Variants in FRYL observed in about 807,000 individuals in gnomAD.
FRYL encodes FRY like transcription coactivator.
Under a neutral mutation model 351.2 loss-of-function variants are expected in FRYL, and 150 were observed. The observed-to-expected ratio is 0.43, with a 90% CI of 0.37 to 0.49. FRYL has a LOEUF of 0.49. Ranked by LOEUF, FRYL falls within the 20% of genes least tolerant of loss-of-function variation. FRYL has a pLI of 0.00. For synonymous variants in FRYL, 1,153 were observed against 1,257.1 expected (o/e 0.92, Z 1.75); for missense variants, 3,036 against 3,619.3 (o/e 0.84, Z 4.13).
intron 1 of FRYL, among the ~76,000 whole-genome samples, chr4:48,765,839 T>A (rs1774888652): frequency 6.6e-6 from 1 of 152,050 alleles, no homozygotes; most frequent in Non-Finnish European, 1.5e-5. Flanking sequence ...AGGTACAGAA[T>A]AGGTATTTTT....
intron 19 of FRYL, among the ~76,000 whole-genome samples, chr4:48,584,383 T>C (rs916110290): frequency 3.9e-5 from 6 of 152,184 alleles, no homozygotes. Flanking sequence ...GTTCTAGTCA[T>C]CACGAAGCCA....
At chr4:48,522,623 T>C (rs1390682593) in intron 54 of FRYL, among the ~76,000 whole-genome samples, 2 of 152,198 alleles carry the variant, frequency 1.3e-5, no homozygotes, top group Non-Finnish European at 2.9e-5. Flanking sequence ...ACCAAAAATA[T>C]GTTATCACTG....
At chr4:48,619,467 G>A (rs1443458059) in intron 6 of FRYL, 97 bp from the exon 7 acceptor site, 3 of 617,212 alleles carry the variant, frequency 4.9e-6, no homozygotes, top group Non-Finnish European at 8.2e-6. Context: ...TTCCTACTAT[G>A]TAAAATGTGC....
At chr4:48,546,606 T>C in intron 41 of FRYL, 1 of 237,144 alleles carries the variant, frequency 4.2e-6, no homozygotes, top group Non-Finnish European at 8.3e-6. Flanking sequence ...TTCTATAATA[T>C]GAACTGATTT....
intron 1 of FRYL, among the ~76,000 whole-genome samples, chr4:48,742,973 ATTTT>A (rs71191256): frequency 2.2e-4 from 18 of 81,746 alleles, no homozygotes; most frequent in African/African-American, 4.5e-4. Context: ...CGCCTGGATA[ATTTT>A]TTTTTTTTTT....
chr4:48,652,888 A>G (rs971205245), intron 3 of FRYL, among the ~76,000 whole-genome samples: 3 of 152,176 alleles, frequency 2.0e-5, no homozygotes, highest in African/African-American at 7.2e-5. Context: ...CCACTGTATG[A>G]CCTTGGAAAA....
chr4:48,770,826 T>G (rs1180318050), intron 1 of FRYL, among the ~76,000 whole-genome samples: 1 of 152,190 alleles, frequency 6.6e-6, no homozygotes, highest in African/African-American at 2.4e-5. Flanking sequence ...TTTTTTATAC[T>G]GCTGAAATAA....
At chr4:48,512,845 G>A (rs1289792227) in intron 56 of FRYL, among the ~76,000 whole-genome samples, 157 bp from the exon 57 acceptor site, 1 of 152,182 alleles carries the variant, frequency 6.6e-6, no homozygotes, top group Admixed American at 6.5e-5. Context: ...GTAAGAAAGT[G>A]TGAATAAGTG....
chr4:48,558,068 T>C (rs999727076), intron 33 of FRYL, among the ~76,000 whole-genome samples: 2 of 152,116 alleles, frequency 1.3e-5, no homozygotes, highest in Non-Finnish European at 2.9e-5. Flanking sequence ...TGAGTATACA[T>C]TGAAAAAAAT....
chr4:48,724,247 G>C (rs977547481), intron 1 of FRYL, among the ~76,000 whole-genome samples: 4 of 152,112 alleles, frequency 2.6e-5, no homozygotes, highest in African/African-American at 9.7e-5. Flanking sequence ...AAAAGTCCAT[G>C]GCCAAACATC....
At chr4:48,754,668 G>GGT (rs1348886664) in intron 1 of FRYL, among the ~76,000 whole-genome samples, 51,420 of 142,256 alleles carry the variant, frequency 0.36, 10,053 homozygotes, top group Admixed American at 0.5. Context: ...TTTTTTTGGG[G>GGT]TTTTTTTTTT....
At chr4:48,574,801 A>ATTTCTTTATT (rs1739233782) in intron 25 of FRYL, among the ~76,000 whole-genome samples, 5 of 152,250 alleles carry the variant, frequency 3.3e-5, no homozygotes, top group African/African-American at 1.2e-4. Context: ...ACACATTAAA[A>ATTTCTTTATT]GAATGACTAC....
intron 7 of FRYL, 142 bp from the exon 8 acceptor site, chr4:48,609,965 G>A (rs188186399): frequency 1.4e-4 from 67 of 464,564 alleles, no homozygotes; most frequent in African/African-American, 1.2e-3. Flanking sequence ...TTTTTTCTGA[G>A]AATCTCGTTT....
chr4:48,573,367 T>G, intron 25 of FRYL, 124 bp from the exon 26 acceptor site: 2 of 623,472 alleles, frequency 3.2e-6, no homozygotes, highest in Non-Finnish European at 5.5e-6. Flanking sequence ...TTAAACACAA[T>G]GTCTATTTTT....
intron 3 of FRYL, among the ~76,000 whole-genome samples, chr4:48,648,397 C>T (rs1560784056): frequency 6.6e-6 from 1 of 152,192 alleles, no homozygotes; most frequent in Non-Finnish European, 1.5e-5. Flanking sequence ...GCCAAACCGG[C>T]CATTCCCTCC....
intron 43 of FRYL, 136 bp from the exon 44 acceptor site, chr4:48,544,133 T>C: frequency 7.1e-6 from 5 of 704,848 alleles, no homozygotes; most frequent in Non-Finnish European, 1.2e-5. Context: ...CAATGCTTTT[T>C]CTTTGCTTAA....
In FRYL at chr4:48,544,894, G is replaced by A. The variant is rs1388849008; in HGVS notation, c.5290C>T (p.Pro1764Ser). 2 of 1,599,570 alleles carry A rather than the reference G, an allele frequency of 1.3e-6. No individual in the cohort carries two copies. The highest frequency in any genetic ancestry group is 1.1e-5 in the South Asian group (1 of 87,760). The change falls in exon 43 of 64, where the codon CCC (proline) becomes TCC (serine). Residue 1764 changes from proline to serine, a missense_variant. Transcript: ENST00000358350. ...MEFITSRKRGPLWNHEDVSAK... is the reference protein window; with the variant it reads ...MEFITSRKRGSLWNHEDVSAK... ...GAAACATCCTCATGGTTCCAAAGGG[G>A]CCCTCTTTTTCTGAAAACAGAGAAC...
intron 4 of FRYL, among the ~76,000 whole-genome samples, chr4:48,624,386 C>T (rs967484112): frequency 3.3e-5 from 5 of 152,082 alleles, no homozygotes; most frequent in Admixed American, 2.6e-4. Flanking sequence ...ACCACTGAGT[C>T]CAGGGGGCAT....
At chr4:48,772,138 G>A (rs942835648) in intron 1 of FRYL, among the ~76,000 whole-genome samples, 7 of 152,138 alleles carry the variant, frequency 4.6e-5, no homozygotes, top group Non-Finnish European at 8.8e-5. Flanking sequence ...TATTAATAAT[G>A]TATATGTACC....
Sources: allele counts gnomAD v4.1 joint callset (sites outside exome capture counted in the v4.1 genomes callset), GRCh38; gene constraint gnomAD v4.1.1; transcripts MANE v1.5; gene names NCBI Gene and HGNC (gene_info 2026-07-23, HGNC 2026-07-21).